Variants in SPTB observed in about 807,000 individuals in gnomAD.
SPTB encodes the protein spectrin beta, erythrocytic, also known as spectrin beta chain, erythrocytic.
In SPTB, 45 loss-of-function variants were observed where a neutral mutation model predicts 256.2. That is an observed-to-expected ratio of 0.18 (90% CI 0.14 to 0.23). The LOEUF (loss-of-function observed/expected upper bound fraction) is 0.23, where lower values mean the gene tolerates loss of function less well. SPTB is among the 10% of genes least tolerant of loss of function. The pLI is 1.00. For synonymous variants in SPTB, 1,231 were observed against 1,243.1 expected (o/e 0.99, Z 0.21); for missense variants, 2,715 against 3,040.4 (o/e 0.89, Z 2.52).
rs767311913 is a variant in SPTB at position 64,779,141 on chromosome 14, G to A, written c.4563+16C>T. ...AGGAGGGGTGGGTGGGGCTGGTGAG[G>A]TGACGCAGGACTCACCTGGTTCTTC... is the stretch of plus-strand genomic sequence containing the variant. On this transcript the variant is annotated intron_variant, in intron 22 of 35. Transcript: ENST00000644917. This position sits in a 1 kb window ranked among gnomAD's most constrained non-coding sequence, Gnocchi z 4.2. The A allele has an allele frequency of 1.9e-6, 3 of 1,610,920 alleles. No homozygotes were observed. The East Asian group carries it at 6.7e-5, about 36-fold the overall frequency.
At chr14:64,757,940 C>A (rs1171681984) in intron 32 of SPTB, among the ~76,000 whole-genome samples, 1 of 152,192 alleles carries the variant, frequency 6.6e-6, no homozygotes, top group African/African-American at 2.4e-5. Context: ...AGCAGAGGGC[C>A]TCCTGAGAAG....
chr14:64,749,390 G>A lies in SPTB; in HGVS notation c.6903C>T (p.Pro2301=), dbSNP rs780072609. 1.2e-6 allele frequency: 2 copies of A among 1,609,708 alleles called. No individual in the cohort carries two copies. The highest frequency in any genetic ancestry group is 1.3e-5 in the African/African-American group (1 of 74,932). The change falls in exon 36 of 36, where the codon CCC becomes CCT. Residue 2301 remains proline (P), a synonymous_variant. Transcript: ENST00000644917. The surrounding 1 kb of genome is among the most constrained non-coding windows in gnomAD (Gnocchi z 4.7). ...CGTCGGGGCCGGAGAGGGAAGGCAG[G>A]GGCAGGCTCTGCGCCTTGACGCGGA... ...QSIRVKAQSL[P]LPSLSGPDAS... is the part of the protein sequence containing the mutation.
At position 64,852,867 on chromosome 14, in the gene SPTB, C is replaced by T. The variant is rs781303102; in HGVS notation, c.-52+26925G>A. ...GCAAAATAGACAGGCTTTCTGCTCTCGTGGTACTTTCAGTCCAGCAAGGAA... is the reference window on the plus strand; with the variant it reads ...GCAAAATAGACAGGCTTTCTGCTCTTGTGGTACTTTCAGTCCAGCAAGGAA... On this transcript the variant is annotated intron_variant, in intron 1 of 35. Coordinates refer to ENST00000644917, the MANE Select transcript of SPTB (RefSeq NM_001355436.2). This position sits in a 1 kb window ranked among gnomAD's most constrained non-coding sequence, Gnocchi z 4.2. 6.6e-6 allele frequency among the ~76,000 whole-genome samples: 1 copy of T among 152,148 alleles called. No individual in the cohort carries two copies. Among genetic ancestry groups the T allele is most frequent in the African/African-American group, 2.4e-5 (1 of 41,408 alleles).
At chr14:64,783,600 G>A (rs2082511760) in intron 19 of SPTB, among the ~76,000 whole-genome samples, 1 of 152,196 alleles carries the variant, frequency 6.6e-6, no homozygotes, top group African/African-American at 2.4e-5. Flanking sequence ...CCACTGGGAA[G>A]GTCCTATTAT....
chr14:64,836,152 T>C (rs1196045021), intron 1 of SPTB, among the ~76,000 whole-genome samples: 1 of 152,200 alleles, frequency 6.6e-6, no homozygotes, highest in Non-Finnish European at 1.5e-5. Context: ...ATTCTTACTC[T>C]TTGCTCTAAA....
At position 64,786,694 on chromosome 14, in the gene SPTB, C is replaced by G; in HGVS notation, c.3271G>C (p.Glu1091Gln). ...AGCTGCTCAGCCTCTGGGAGGGATTCGGGCATGTCCTCAGAGGCCACAGCC... is the reference window on the plus strand; with the variant it reads ...AGCTGCTCAGCCTCTGGGAGGGATTGGGGCATGTCCTCAGAGGCCACAGCC... ...QKAVASEDMP[E>Q]SLPEAEQLLQ... Residue 1091 changes from glutamate (E) to glutamine (Q), a missense_variant, in exon 16 of 36, where the codon GAA (glutamate) becomes CAA (glutamine). Physicochemically the swap from Glu to Gln is conservative, Grantham distance 29. Transcript: ENST00000644917. This position sits in a 1 kb window ranked among gnomAD's most constrained non-coding sequence, Gnocchi z 5.6. 6.2e-7 allele frequency: 1 copy of G among 1,614,122 alleles called. No homozygotes were observed.
Position 64,779,073 on chromosome 14 carries a change from CAG to C in SPTB, c.4563+82_4563+83del, listed in dbSNP as rs1264183795. ...ATAATCTGCTGTTGCTAGCCTTCTG[CAG>C]GTCAGGGCTGGGCCTACCCCCGTGG... On this transcript the variant is annotated intron_variant, in intron 22 of 35. Transcript: ENST00000644917. The surrounding 1 kb of genome is among the most constrained non-coding windows in gnomAD (Gnocchi z 4.2). The C allele has an allele frequency of 3.9e-6, 4 of 1,031,690 alleles. No homozygotes were observed. The African/African-American group carries it at 6.5e-5, about 17-fold the overall frequency. 63.9% of individuals were successfully genotyped at this position (1,031,690 alleles called of 1,614,324 possible).
At chr14:64,859,666 C>A (rs1241608734) in intron 1 of SPTB, among the ~76,000 whole-genome samples, 1 of 150,230 alleles carries the variant, frequency 6.7e-6, no homozygotes, top group Admixed American at 6.7e-5. Context: ...ATCACTTGAG[C>A]CCAGGGAGAC....
rs1345131911 is a variant in SPTB, at chr14:64,746,710, CAG to C, written c.*2594_*2595del. On this transcript the variant is annotated 3_prime_UTR_variant, in exon 36 of 36. Transcript: ENST00000644917. The surrounding 1 kb of genome is among the most constrained non-coding windows in gnomAD (Gnocchi z 4.9). ...AAGGACCCTCCACACCTCCCACAGCCAGAGTCAGTTGAGGCTGGGACAAAGGG... is the reference window on the plus strand; with the variant it reads ...AAGGACCCTCCACACCTCCCACAGCCAGTCAGTTGAGGCTGGGACAAAGGG... The C allele has an allele frequency of 2.0e-5, 3 of 152,572 alleles. No homozygotes were observed. In the East Asian group the frequency reaches 5.8e-4, roughly 30 times the overall value. 9.5% of individuals were successfully genotyped at this position (152,572 alleles called of 1,614,324 possible).
chr14:64,846,902 C>T (rs975916503), intron 1 of SPTB, among the ~76,000 whole-genome samples: 1 of 152,136 alleles, frequency 6.6e-6, no homozygotes, highest in African/African-American at 2.4e-5. Flanking sequence ...TCAGGAGCTC[C>T]TTCCACGGCC....
At chr14:64,858,486 G>C (rs2083908037) in intron 1 of SPTB, among the ~76,000 whole-genome samples, 1 of 152,162 alleles carries the variant, frequency 6.6e-6, no homozygotes, top group Non-Finnish European at 1.5e-5. Context: ...CCCTGCTGTG[G>C]GGAAGGGAAG....
At chr14:64,842,625 C>T (rs1488175320) in intron 1 of SPTB, among the ~76,000 whole-genome samples, 1 of 152,238 alleles carries the variant, frequency 6.6e-6, no homozygotes, top group Non-Finnish European at 1.5e-5. Flanking sequence ...GCGTGTCAGA[C>T]ACGGAGTATA....
intron 10 of SPTB, 29 bp downstream of exon 10, chr14:64,797,700 T>C (rs779944623): frequency 6.7e-7 from 1 of 1,501,702 alleles, no homozygotes; most frequent in Non-Finnish European, 9.3e-7. Context: ...CAATCTACTG[T>C]CAATGCATAA....
At chr14:64,751,077 A>G (rs900893039) in intron 33 of SPTB, among the ~76,000 whole-genome samples, 3 of 142,960 alleles carry the variant, frequency 2.1e-5, no homozygotes, top group African/African-American at 7.6e-5. Context: ...TTTATAGTAT[A>G]TAACATTTAT....
rs1196225447 is a variant in SPTB, at chr14:64,847,593, TC to T, written c.-51-24449del. Among the ~76,000 whole-genome samples the T allele has an allele frequency of 6.6e-6, 1 of 152,052 alleles. No homozygotes were observed. The highest frequency in any genetic ancestry group is 2.4e-5 in the African/African-American group (1 of 41,384). On this transcript the variant is annotated intron_variant, in intron 1 of 35. Coordinates refer to ENST00000644917, the MANE Select transcript of SPTB (RefSeq NM_001355436.2). This position sits in a 1 kb window ranked among gnomAD's most constrained non-coding sequence, Gnocchi z 5.9. ...CAGGGCCTGGGAGCAACCACCACAC[TC>T]CTAAGCCAGAACAGTGAGCAGGACT...
chr14:64,795,368 A>T lies in SPTB; in HGVS notation c.1613T>A (p.Leu538Gln). 6.2e-7 allele frequency: 1 copy of T among 1,612,936 alleles called. No homozygotes were observed. The highest frequency in any genetic ancestry group is 8.5e-7 in the Non-Finnish European group (1 of 1,180,024). Residue 538 changes from leucine (L) to glutamine (Q), a missense_variant, in exon 12 of 36, where the codon CTG (leucine) becomes CAG (glutamine). Leu to Gln is a moderately radical substitution (Grantham distance 113). Around this residue, in one of 4 missense-constraint regions of SPTB, gnomAD observed 2,239 missense variants for 2,384.4 expected, o/e 0.94. Coordinates refer to ENST00000644917, the MANE Select transcript of SPTB (RefSeq NM_001355436.2). The surrounding 1 kb of genome is among the most constrained non-coding windows in gnomAD (Gnocchi z 6.5). ...CTCATCCATCCAGTCGATGCTGTGC[A>T]GCATGTCCTGGAAGAGCTTCTGCAG... ...LALQKLFQDMLHSIDWMDEIK... is the reference protein window; with the variant it reads ...LALQKLFQDMQHSIDWMDEIK...
intron 2 of SPTB, among the ~76,000 whole-genome samples, chr14:64,810,525 T>C (rs1288346054): frequency 1.3e-5 from 2 of 151,920 alleles, no homozygotes; most frequent in Non-Finnish European, 2.9e-5. Flanking sequence ...ACTAAAAATA[T>C]AAAAATTAGC....
In SPTB at chr14:64,782,551, T is replaced by C. The variant is rs752880996; in HGVS notation, c.4005A>G (p.Glu1335=). 207 of 1,613,592 alleles carry C rather than the reference T, an allele frequency of 1.3e-4. No homozygotes were observed. Among genetic ancestry groups the C allele is most frequent in the Non-Finnish European group, 1.6e-4 (189 of 1,180,020 alleles). Residue 1335 remains glutamate, a splice_region_variant and synonymous_variant, in exon 20 of 36, where the codon GAA becomes GAG. Transcript: ENST00000644917. The part of the protein sequence containing the change: ...HEGWLENIDA[E]GKQLMDEKPQ... ...GCTTCTCATCCATCAGCTGCTTTCC[T>C]TCCTAGGGGCAAGAAGGAGGAGAGC...
rs1433455695 is a variant in SPTB at position 64,816,264 on chromosome 14, G to A, written c.148+6683C>T. Reference sequence around the variant, plus strand: ...GCCACTGTATGGAAAGGCACGCTGAGGTCTTGAATAAAAAACTCAACATCA... The same window carrying A: ...GCCACTGTATGGAAAGGCACGCTGAAGTCTTGAATAAAAAACTCAACATCA... On this transcript the variant is annotated intron_variant, in intron 2 of 35. Coordinates refer to ENST00000644917, the MANE Select transcript of SPTB (RefSeq NM_001355436.2). The surrounding 1 kb of genome is among the most constrained non-coding windows in gnomAD (Gnocchi z 4.2). Among the ~76,000 whole-genome samples, 2 of 152,104 alleles carry A rather than the reference G, an allele frequency of 1.3e-5. No individual in the cohort carries two copies. Among genetic ancestry groups the A allele is most frequent in the Admixed American group, 6.5e-5 (1 of 15,274 alleles).
Sources: allele counts gnomAD v4.1 joint callset (sites outside exome capture counted in the v4.1 genomes callset), GRCh38; gene constraint gnomAD v4.1.1; regional missense constraint gnomAD v4.1.1; non-coding constraint Gnocchi (gnomAD v3.1); transcripts MANE v1.5; gene names NCBI Gene and HGNC (gene_info 2026-07-23, HGNC 2026-07-21).